Variants in TUT7 observed in about 807,000 individuals in gnomAD.
TUT7 encodes the protein terminal uridylyltransferase 7.
Under a neutral mutation model 165.9 loss-of-function variants are expected in TUT7, and 33 were observed. That is an observed-to-expected ratio of 0.20 (90% CI 0.15 to 0.27). The LOEUF (loss-of-function observed/expected upper bound fraction) is 0.27. TUT7 is among the 10% of genes least tolerant of loss of function. The pLI, the probability that TUT7 is intolerant of heterozygous loss-of-function variation, is 1.00. For synonymous variants in TUT7, 552 were observed against 608.1 expected, an observed-to-expected ratio of 0.91 and a Z score of 1.36; for missense variants, 1,338 against 1,762.3, an observed-to-expected ratio of 0.76 and a Z score of 4.31.
At chr9:86,322,569 T>G in intron 13 of TUT7, 94 bp from the exon 14 acceptor site, 4 of 1,442,794 alleles carry the variant, frequency 2.8e-6, no homozygotes, top group Non-Finnish European at 2.8e-6. Flanking sequence ...CAGTCACCTA[T>G]TCACTTTCCA....
intron 26 of TUT7, among the ~76,000 whole-genome samples, chr9:86,297,854 T>C (rs1229901333): frequency 6.6e-6 from 1 of 150,580 alleles, no homozygotes; most frequent in African/African-American, 2.4e-5. Context: ...TGAAGGCGCT[T>C]CATAACCCAG....
At chr9:86,324,004 T>C (rs1829564592) in intron 12 of TUT7, 44 bp from the exon 13 acceptor site, 2 of 1,392,342 alleles carry the variant, frequency 1.4e-6, no homozygotes, top group Non-Finnish European at 9.5e-7. Context: ...TCTCTTCATA[T>C]GTTACTATAT....
At chr9:86,296,099 T>C (rs1587846243) in intron 26 of TUT7, among the ~76,000 whole-genome samples, 1 of 152,208 alleles carries the variant, frequency 6.6e-6, no homozygotes, top group Non-Finnish European at 1.5e-5. Flanking sequence ...CAGCAAGTGT[T>C]TGTTAACCAC....
chr9:86,341,958 C>A (rs968801668), intron 6 of TUT7, among the ~76,000 whole-genome samples: 1 of 152,098 alleles, frequency 6.6e-6, no homozygotes, highest in African/African-American at 2.4e-5. Context: ...TCCTTTATAA[C>A]CTAGTATGTC....
intron 10 of TUT7, among the ~76,000 whole-genome samples, chr9:86,335,132 A>G (rs1007382380): frequency 6.6e-6 from 1 of 152,196 alleles, no homozygotes; most frequent in African/African-American, 2.4e-5. Flanking sequence ...TCCTTGTTTC[A>G]GGAATTTTAC....
At chr9:86,322,817 T>C in intron 13 of TUT7, 56 bp downstream of exon 13, 3 of 1,504,178 alleles carry the variant, frequency 2.0e-6, no homozygotes, top group Middle Eastern at 1.8e-4. Context: ...TGAAATTAAA[T>C]GCATTCAAAG....
At chr9:86,322,807 T>C (rs936568457) in intron 13 of TUT7, 66 bp downstream of exon 13, 78 of 1,490,206 alleles carry the variant, frequency 5.2e-5, no homozygotes, top group Non-Finnish European at 3.4e-5. Context: ...ATATAAAAAT[T>C]GAAATTAAAT....
chr9:86,304,844 C>T lies in TUT7; in HGVS notation c.3978+12G>A. 6.4e-7 allele frequency: 1 copy of T among 1,574,800 alleles called. No individual in the cohort carries two copies. Among genetic ancestry groups the T allele is most frequent in the East Asian group, 2.2e-5 (1 of 44,518 alleles). On this transcript the variant is annotated intron_variant, in intron 24 of 26. Transcript: ENST00000375963. ...TTTATTTTTTATTTTTTGGTATTTCCAACACACTTACCATTTTTGAGGGGT... is the reference window on the plus strand; with the variant it reads ...TTTATTTTTTATTTTTTGGTATTTCTAACACACTTACCATTTTTGAGGGGT...
Position 86,294,052 on chromosome 9 carries a change from A to C in TUT7, c.4421-5308T>G, listed in dbSNP as rs144060548. Among the ~76,000 whole-genome samples the C allele has an allele frequency of 5.9e-5, 9 of 152,268 alleles. No homozygotes were observed. The East Asian group carries it at 1.5e-3, about 26-fold the overall frequency. On this transcript the variant is annotated intron_variant, in intron 26 of 26. Coordinates refer to ENST00000375963, the MANE Select transcript of TUT7 (RefSeq NM_024617.4). ...TGAGCCATGGCGCCCGGCCGCAAGG[A>C]TAGTTTTAAGAGAGTCAATTTCTAG...
intron 10 of TUT7, among the ~76,000 whole-genome samples, chr9:86,335,939 G>A (rs555051021): frequency 1.3e-5 from 2 of 152,014 alleles, no homozygotes; most frequent in Non-Finnish European, 2.9e-5. Flanking sequence ...GAGAGTTTCC[G>A]GTATCACTAA....
rs1321988268 is a variant in TUT7 at position 86,341,069 on chromosome 9, A to G, written c.1087-16T>C. On this transcript the variant is annotated splice_polypyrimidine_tract_variant and intron_variant, in intron 6 of 26. Transcript: ENST00000375963. Reference sequence around the variant, plus strand: ...GCTGAGACATCTAGGAAATAAATCAATGAATACATGAAATTATTCCTAAGT... The same window carrying G: ...GCTGAGACATCTAGGAAATAAATCAGTGAATACATGAAATTATTCCTAAGT... 3 of 1,601,566 alleles carry G rather than the reference A, an allele frequency of 1.9e-6. No individual in the cohort carries two copies. The highest frequency in any genetic ancestry group is 3.3e-5 in the Admixed American group (2 of 59,820).
chr9:86,326,333 G>A (rs959820876), intron 11 of TUT7: 2 of 154,550 alleles, frequency 1.3e-5, no homozygotes, highest in African/African-American at 4.8e-5. Context: ...TCTAAGTCTG[G>A]GTTTCCTCAT....
At position 86,345,622 on chromosome 9, in the gene TUT7, TAAC is replaced by T. The variant is rs1414103600; in HGVS notation, c.819+44_819+46del. ...AGAAAGCCACAAAGATGACAAGTAA[TAAC>T]AACTAACAAGTAAGCAGACTTGTTT... On this transcript the variant is annotated intron_variant, in intron 4 of 26. Coordinates refer to ENST00000375963, the MANE Select transcript of TUT7 (RefSeq NM_024617.4). 10 of 1,348,270 alleles carry T rather than the reference TAAC, an allele frequency of 7.4e-6. No individual in the cohort carries two copies. In the African/African-American group the frequency reaches 1.4e-4, roughly 20 times the overall value. The allele number at this position is 1,348,270 out of a possible 1,614,324, so 83.5% of individuals were successfully genotyped here.
intron 14 of TUT7, among the ~76,000 whole-genome samples, chr9:86,320,146 C>A (rs988492996): frequency 1.3e-4 from 20 of 151,896 alleles, no homozygotes; most frequent in African/African-American, 4.6e-4. Flanking sequence ...TCAGAAATCA[C>A]CACCCCGCTA....
chr9:86,330,670 C>T (rs2131495578), intron 10 of TUT7, among the ~76,000 whole-genome samples: 1 of 152,146 alleles, frequency 6.6e-6, no homozygotes, highest in East Asian at 1.9e-4. Flanking sequence ...AAAGGTTTTT[C>T]CCTAGGTTGT....
chr9:86,351,306 T>G (rs1268198469), intron 2 of TUT7, among the ~76,000 whole-genome samples: 1 of 152,096 alleles, frequency 6.6e-6, no homozygotes, highest in Non-Finnish European at 1.5e-5. Context: ...TGTGGTGGCA[T>G]GTGCCTGTAG....
rs1407110267 is a variant in TUT7 at position 86,353,094 on chromosome 9, T to C, written c.106A>G (p.Ile36Val). The change falls in exon 2 of 27, where the codon ATA becomes GTA. Residue 36 changes from isoleucine (I) to valine (V), a missense_variant. Physicochemically the swap from Ile to Val is conservative, Grantham distance 29 (BLOSUM62 3). Coordinates refer to ENST00000375963, the MANE Select transcript of TUT7 (RefSeq NM_024617.4). ...CCATGGCCTTTAGCATGGTCATCTA[T>C]TATTAAATAATCTTGTTGGGGGTGA... is the stretch of plus-strand genomic sequence containing the variant. ...RGHPQQDYLI[I>V]DDHAKGHGSK... 1.2e-6 allele frequency: 2 copies of C among 1,614,062 alleles called. No homozygotes were observed. The highest frequency in any genetic ancestry group is 1.7e-6 in the Non-Finnish European group (2 of 1,180,018).
chr9:86,321,427 GC>G (rs765791449), intron 14 of TUT7, among the ~76,000 whole-genome samples: 17 of 151,738 alleles, frequency 1.1e-4, no homozygotes, highest in Non-Finnish European at 2.2e-4. Context: ...TTAATACTAA[GC>G]TTTAAAAAGA....
At chr9:86,332,534 G>A (rs1173214148) in intron 10 of TUT7, among the ~76,000 whole-genome samples, 1 of 152,148 alleles carries the variant, frequency 6.6e-6, no homozygotes. Context: ...AATGGACACT[G>A]GGGCCTACTT....
Sources: gnomAD v4.1 joint callset for allele counts (sites outside exome capture counted in the v4.1 genomes callset) on GRCh38, gnomAD v4.1.1 for gene constraint, MANE v1.5 for transcripts, NCBI Gene and HGNC (gene_info 2026-07-23, HGNC 2026-07-21) for gene names.